DEAF1: variants seen among roughly 807,000 people sequenced by gnomAD.
DEAF1 encodes the protein DEAF1 transcription factor, also known as deformed epidermal autoregulatory factor 1 homolog.
DEAF1 carries 53 observed loss-of-function variants against 58.9 expected under a neutral mutation model. The observed-to-expected ratio is 0.90, with a 90% CI of 0.72 to 1.13. The LOEUF (loss-of-function observed/expected upper bound fraction) is 1.13. DEAF1 is among the 50% of genes most tolerant of loss of function. DEAF1 has a pLI of 0.00. For synonymous variants in DEAF1, 385 were observed against 340.4 expected (o/e 1.13, Z -1.44); for missense variants, 685 against 791.4 (o/e 0.87, Z 1.61).
intron 1 of DEAF1, among the ~76,000 whole-genome samples, chr11:701,298 GC>G (rs1401141359): frequency 2.0e-5 from 3 of 151,736 alleles, no homozygotes; most frequent in East Asian, 1.9e-4. Flanking sequence ...TCCTGCCTCA[GC>G]CCTCCCCTCC....
chr11:695,704 C>A, upstream of DEAF1: 1 of 1,242,086 alleles, frequency 8.1e-7, no homozygotes, highest in Non-Finnish European at 1.0e-6. Flanking sequence ...CTCGGACGTC[C>A]GCTCCCGAAA....
At position 695,017 on chromosome 11, in the gene DEAF1, G is replaced by C. The variant is rs1200504145; in HGVS notation, c.31C>G (p.Leu11Val). 2 of 1,366,206 alleles carry C rather than the reference G, an allele frequency of 1.5e-6. No homozygotes were observed. Among genetic ancestry groups the C allele is most frequent in the Non-Finnish European group, 1.9e-6 (2 of 1,053,678 alleles). The allele number at this position is 1,366,206 out of a possible 1,614,324, so 84.6% of individuals were successfully genotyped here. The change falls in exon 1 of 12, where the codon CTG (leucine) becomes GTG (valine). Residue 11 changes from leucine (L) to valine (V), a missense_variant. Leu to Val is a conservative substitution (Grantham distance 32, BLOSUM62 1). Around this residue, in one of 3 missense-constraint regions of DEAF1, gnomAD observed 210 missense variants for 177.3 expected, o/e 1.18. Coordinates refer to ENST00000382409, the MANE Select transcript of DEAF1 (RefSeq NM_021008.4). Reference sequence around the variant, plus strand: ...ACCGCCGCCGCCTCAGCCAGGCCCAGCTGCTTTGCCGCCGAGTCCGAGTCC... The same window carrying C: ...ACCGCCGCCGCCTCAGCCAGGCCCACCTGCTTTGCCGCCGAGTCCGAGTCC... MEDSDSAAKQLGLAEAAAVAA... is the reference protein window; with the variant it reads MEDSDSAAKQVGLAEAAAVAA...
At chr11:702,002 G>A (rs943560793) in intron 1 of DEAF1, among the ~76,000 whole-genome samples, 17 of 152,178 alleles carry the variant, frequency 1.1e-4, no homozygotes, top group East Asian at 5.8e-4. Context: ...TTGTCCTGCC[G>A]TGGGGAACGC....
Position 674,703 on chromosome 11 carries a change from C to G in DEAF1, c.1336G>C (p.Glu446Gln), listed in dbSNP as rs1007134273. 1 of 1,613,860 alleles carries G rather than the reference C, an allele frequency of 6.2e-7. No individual in the cohort carries two copies. Among genetic ancestry groups the G allele is most frequent in the African/African-American group, 1.3e-5 (1 of 74,928 alleles). ...AAPPALVNGL[E>Q]LSEPRSWLYL... ...AGCCAGCTCCGCGGCTCTGACAGCT[C>G]CAGCCCATTGACCAACGCGGGAGGT... Residue 446 changes from glutamate (E) to glutamine (Q), a missense_variant, in exon 10 of 12, where the codon GAG becomes CAG. Around this residue, in one of 3 missense-constraint regions of DEAF1, gnomAD observed 343 missense variants for 379.8 expected, o/e 0.90. Coordinates refer to ENST00000382409, the MANE Select transcript of DEAF1 (RefSeq NM_021008.4).
At chr11:649,115 G>T (rs1370846032) in intron 11 of DEAF1, among the ~76,000 whole-genome samples, 3 of 152,020 alleles carry the variant, frequency 2.0e-5, no homozygotes, top group Non-Finnish European at 2.9e-5. Flanking sequence ...GCCTGGCATG[G>T]TGGTGCATGC....
chr11:658,047 T>A (rs552229683), intron 10 of DEAF1, among the ~76,000 whole-genome samples: 1 of 152,304 alleles, frequency 6.6e-6, no homozygotes, highest in East Asian at 1.9e-4. Context: ...GAGGGGAGGC[T>A]GCGGAGTGGC....
intron 10 of DEAF1, among the ~76,000 whole-genome samples, chr11:673,431 G>A (rs1409171999): frequency 2.0e-5 from 3 of 152,158 alleles, no homozygotes; most frequent in Non-Finnish European, 4.4e-5. Flanking sequence ...GGGAGGCTGA[G>A]GCACAAGAAT....
chr11:699,060 G>A, upstream of DEAF1: 1 of 762,458 alleles, frequency 1.3e-6, no homozygotes, highest in Non-Finnish European at 2.2e-6. Flanking sequence ...CCTCGGATCA[G>A]TTCTGCTGGC....
At chr11:658,157 G>C (rs962069452) in intron 10 of DEAF1, among the ~76,000 whole-genome samples, 1 of 152,170 alleles carries the variant, frequency 6.6e-6, no homozygotes, top group East Asian at 1.9e-4. Context: ...AGCCGGGCAC[G>C]GTGGCTCACG....
intron 6 of DEAF1, 89 bp from the exon 7 acceptor site, chr11:681,178 G>T: frequency 6.4e-7 from 1 of 1,573,264 alleles, no homozygotes; most frequent in Non-Finnish European, 8.7e-7. Flanking sequence ...GGCACCGCGG[G>T]GTGTGTGAGT....
chr11:699,329 G>A (rs968688319), upstream of DEAF1: 5 of 201,600 alleles, frequency 2.5e-5, no homozygotes, highest in South Asian at 9.8e-5. Flanking sequence ...GGCATCAGGC[G>A]GGAGCCACTG....
At chr11:686,291 C>CA (rs780059988) in intron 5 of DEAF1, among the ~76,000 whole-genome samples, 55,029 of 99,900 alleles carry the variant, frequency 0.55, 13,919 homozygotes, top group East Asian at 0.72. Context: ...GACTCTGTCT[C>CA]AAAAAAAAAA....
intron 1 of DEAF1, chr11:704,470 G>A: frequency 7.8e-7 from 1 of 1,289,356 alleles, no homozygotes; most frequent in Non-Finnish European, 1.0e-6. Flanking sequence ...GGACAGCCCT[G>A]AGGACCCACT....
chr11:665,622 T>G (rs1314459158), intron 10 of DEAF1, among the ~76,000 whole-genome samples: 1 of 152,166 alleles, frequency 6.6e-6, no homozygotes, highest in Non-Finnish European at 1.5e-5. Flanking sequence ...AAATTACTAA[T>G]AAAATTCAAA....
intron 10 of DEAF1, among the ~76,000 whole-genome samples, chr11:668,799 G>A (rs567864826): frequency 5.3e-5 from 8 of 152,204 alleles, no homozygotes; most frequent in African/African-American, 9.6e-5. Flanking sequence ...TCCAGCCTGG[G>A]TGACAAAGTG....
rs537845747 is a variant in DEAF1 at position 647,282 on chromosome 11, C to T, written c.1594-2628G>A. Among the ~76,000 whole-genome samples the T allele has an allele frequency of 4.6e-4, 70 of 152,194 alleles. 1 individual carries two copies. Among genetic ancestry groups the T allele is most frequent in the Admixed American group, 1.6e-3 (25 of 15,254 alleles). On this transcript the variant is annotated intron_variant, in intron 11 of 11. Coordinates refer to ENST00000382409, the MANE Select transcript of DEAF1 (RefSeq NM_021008.4). Reference sequence around the variant, plus strand: ...CAGCCTGAACAACATGGTGAAACCCCGTCTCTGCTAAAAATACAAAAATTA... The same window carrying T: ...CAGCCTGAACAACATGGTGAAACCCTGTCTCTGCTAAAAATACAAAAATTA...
At position 644,696 on chromosome 11, in the gene DEAF1, G is replaced by A; in HGVS notation, c.1594-42C>T. On this transcript the variant is annotated intron_variant, in intron 11 of 11. Transcript: ENST00000382409. The surrounding 1 kb of genome is among the most constrained non-coding windows in gnomAD (Gnocchi z 4.3). ...ACCCATGTCAGCAGGGTCAGTGGGT[G>A]GAGCAGGGTCTGGGCAGGGTCCCCA... The A allele has an allele frequency of 4.6e-6, 7 of 1,519,082 alleles. No individual in the cohort carries two copies. The highest frequency in any genetic ancestry group is 6.3e-6 in the Non-Finnish European group (7 of 1,115,322). 94.1% of individuals were successfully genotyped at this position (1,519,082 alleles called of 1,614,324 possible). A position where few individuals can be genotyped will look rare whatever the true frequency, so the allele number is the denominator to read the frequency against.
At chr11:653,306 GTCTC>G (rs372381791) in intron 11 of DEAF1, among the ~76,000 whole-genome samples, 3 of 89,728 alleles carry the variant, frequency 3.3e-5, no homozygotes, top group Non-Finnish European at 6.3e-5. Context: ...ACTGTGGACA[GTCTC>G]TCTCTCGCGT....
rs748698514 is a variant in DEAF1 at position 654,090 on chromosome 11, C to T, written c.1504-39G>A. Reference sequence around the variant, plus strand: ...ACAACAGGCCAGTCAGTGACGTGGCCGTGGAGAGCCCCTGAGACACCGGGG... The same window carrying T: ...ACAACAGGCCAGTCAGTGACGTGGCTGTGGAGAGCCCCTGAGACACCGGGG... On this transcript the variant is annotated intron_variant, in intron 10 of 11. Transcript: ENST00000382409. The T allele has an allele frequency of 1.1e-5, 18 of 1,588,684 alleles. No homozygotes were observed. The South Asian group carries it at 1.2e-4, about 11-fold the overall frequency.
Sources: gnomAD v4.1 joint callset for allele counts (sites outside exome capture counted in the v4.1 genomes callset) on GRCh38, gnomAD v4.1.1 for gene constraint, gnomAD v4.1.1 regional missense constraint, Gnocchi (gnomAD v3.1) non-coding constraint, MANE v1.5 for transcripts, NCBI Gene and HGNC (gene_info 2026-07-23, HGNC 2026-07-21) for gene names.